CCDC178: variants seen among roughly 807,000 people sequenced by gnomAD.
CCDC178 encodes coiled-coil domain-containing protein 178.
Under a neutral mutation model 117.4 loss-of-function variants are expected in CCDC178, and 126 were observed. The ratio of observed to expected loss-of-function variants is 1.07; its 90% CI spans 0.93 to 1.24. CCDC178 has a LOEUF of 1.24. Ranked by LOEUF, CCDC178 falls within the 50% of genes most tolerant of loss-of-function variation. The pLI is 0.00. For missense variants in CCDC178, 1,030 were observed against 986.9 expected, an observed-to-expected ratio of 1.04 and a Z score of -0.59; for synonymous variants, 283 against 313.4, an observed-to-expected ratio of 0.90 and a Z score of 1.02.
chr18:33,075,219 T>C (rs1037738685), intron 21 of CCDC178, among the ~76,000 whole-genome samples: 1 of 152,220 alleles, frequency 6.6e-6, no homozygotes, highest in African/African-American at 2.4e-5. Flanking sequence ...TATAACCTAC[T>C]ATCACTGTGT....
chr18:33,414,637 T>C (rs936907339), intron 2 of CCDC178, among the ~76,000 whole-genome samples: 2 of 152,206 alleles, frequency 1.3e-5, no homozygotes, highest in Non-Finnish European at 2.9e-5. Context: ...GACATAGGCA[T>C]TGGCAAGGAC....
At chr18:33,280,058 T>G (rs1370115567) in intron 12 of CCDC178, among the ~76,000 whole-genome samples, 1 of 149,848 alleles carries the variant, frequency 6.7e-6, no homozygotes, top group Non-Finnish European at 1.5e-5. Context: ...ACTTCATGTC[T>G]AAAACACCAA....
intron 11 of CCDC178, among the ~76,000 whole-genome samples, chr18:33,300,538 G>C (rs939550238): frequency 1.3e-5 from 2 of 152,184 alleles, no homozygotes; most frequent in Non-Finnish European, 2.9e-5. Context: ...CCAAAATACT[G>C]ATAGAAACGT....
intron 21 of CCDC178, among the ~76,000 whole-genome samples, chr18:32,989,511 G>T (rs2055342916): frequency 6.6e-6 from 1 of 152,102 alleles, no homozygotes; most frequent in South Asian, 2.1e-4. Context: ...TAATCTTTGT[G>T]TGCCAAACCA....
intron 9 of CCDC178, among the ~76,000 whole-genome samples, chr18:33,338,388 C>G (rs1390586268): frequency 6.6e-6 from 1 of 152,138 alleles, no homozygotes; most frequent in Admixed American, 6.5e-5. Flanking sequence ...TTTGATCCAG[C>G]AATCCCATTA....
chr18:33,193,733 G>A (rs2058891308), intron 20 of CCDC178, among the ~76,000 whole-genome samples: 1 of 152,080 alleles, frequency 6.6e-6, no homozygotes, highest in Non-Finnish European at 1.5e-5. Context: ...ATATTTAAGT[G>A]GTTATACTAC....
At chr18:33,032,490 C>T (rs1212786175) in intron 21 of CCDC178, among the ~76,000 whole-genome samples, 2 of 151,986 alleles carry the variant, frequency 1.3e-5, no homozygotes, top group Non-Finnish European at 2.9e-5. Flanking sequence ...TTACAATCTG[C>T]CTAGGAAAGG....
intron 21 of CCDC178, among the ~76,000 whole-genome samples, chr18:33,083,406 A>G (rs1844528965): frequency 1.3e-5 from 2 of 152,248 alleles, no homozygotes; most frequent in South Asian, 4.1e-4. Flanking sequence ...TGTTCTTCAT[A>G]GGGAGCATTT....
chr18:33,347,313 G>C (rs1691081459), intron 8 of CCDC178, among the ~76,000 whole-genome samples: 1 of 152,096 alleles, frequency 6.6e-6, no homozygotes. Flanking sequence ...GTTGCTTTTG[G>C]ACAATAAAGA....
At chr18:33,265,152 T>C (rs1374472296) in intron 14 of CCDC178, among the ~76,000 whole-genome samples, 1 of 152,140 alleles carries the variant, frequency 6.6e-6, no homozygotes, top group Non-Finnish European at 1.5e-5. Flanking sequence ...TTTTACAAAT[T>C]GTTCCATTTC....
At chr18:33,267,761 A>G (rs1568102366) in intron 12 of CCDC178, among the ~76,000 whole-genome samples, 1 of 151,546 alleles carries the variant, frequency 6.6e-6, no homozygotes, top group Non-Finnish European at 1.5e-5. Context: ...TAGGTAATAT[A>G]TCTTCAACTT....
At chr18:33,073,539 C>CTATA (rs1405106094) in intron 21 of CCDC178, among the ~76,000 whole-genome samples, 2 of 149,268 alleles carry the variant, frequency 1.3e-5, no homozygotes, top group South Asian at 2.1e-4. Context: ...ATCTATCTAT[C>CTATA]TATCTATCTA....
rs1444260111 is a variant in CCDC178 at position 33,223,236 on chromosome 18, T to A, written c.1819-17A>T. The A allele has an allele frequency of 6.3e-7, 1 of 1,578,504 alleles. No individual in the cohort carries two copies. Among genetic ancestry groups the A allele is most frequent in the Non-Finnish European group, 8.6e-7 (1 of 1,163,596 alleles). On this transcript the variant is annotated splice_polypyrimidine_tract_variant and intron_variant, in intron 17 of 22. Coordinates refer to ENST00000383096, the MANE Select transcript of CCDC178 (RefSeq NM_001105528.4). ...ATTAAGCATCTAGAAGACATTCAGA[T>A]ATTAAGATGTGCAGCATTTGCAACC...
intron 21 of CCDC178, among the ~76,000 whole-genome samples, chr18:33,057,943 A>G (rs2056858502): frequency 6.6e-6 from 1 of 152,230 alleles, no homozygotes; most frequent in African/African-American, 2.4e-5. Context: ...CCACATCCAC[A>G]GTGGGGTAGC....
At chr18:33,001,421 G>A (rs998157366) in intron 21 of CCDC178, among the ~76,000 whole-genome samples, 34 of 148,400 alleles carry the variant, frequency 2.3e-4, no homozygotes, top group African/African-American at 8.7e-4. Context: ...GCTGAGGCAG[G>A]AGAATGGCGT....
intron 20 of CCDC178, among the ~76,000 whole-genome samples, chr18:33,132,267 T>C (rs2058075514): frequency 1.3e-5 from 2 of 151,796 alleles, no homozygotes; most frequent in South Asian, 4.1e-4. Flanking sequence ...ATTCTCTGCA[T>C]ATCCTCTTTG....
chr18:32,949,088 T>G (rs576510536), intron 22 of CCDC178, among the ~76,000 whole-genome samples: 8 of 152,124 alleles, frequency 5.3e-5, no homozygotes, highest in Non-Finnish European at 1.2e-4. Flanking sequence ...TCATTTGCAT[T>G]GTTACTTATG....
chr18:33,351,147 GATGTGTGT>G (rs1568168599), intron 7 of CCDC178, among the ~76,000 whole-genome samples: 1 of 74,042 alleles, frequency 1.4e-5, no homozygotes, highest in African/African-American at 5.3e-5. Context: ...CACTGATCAT[GATGTGTGT>G]GTGTGTGTGT....
intron 2 of CCDC178, among the ~76,000 whole-genome samples, chr18:33,428,927 A>G (rs2064165974): frequency 6.6e-6 from 1 of 151,736 alleles, no homozygotes; most frequent in Non-Finnish European, 1.5e-5. Context: ...ATCAAACTTT[A>G]AATTGTAAGC....
Sources: allele counts gnomAD v4.1 joint callset (sites outside exome capture counted in the v4.1 genomes callset), GRCh38; gene constraint gnomAD v4.1.1; transcripts MANE v1.5; gene names NCBI Gene and HGNC (gene_info 2026-07-23, HGNC 2026-07-21).